The following BCKDHB variants were observed in gnomAD, a reference collection of about 807,000 sequenced individuals.
BCKDHB encodes 2-oxoisovalerate dehydrogenase subunit beta, mitochondrial.
Under a neutral mutation model 48.5 loss-of-function variants are expected in BCKDHB, and 41 were observed. The ratio of observed to expected loss-of-function variants is 0.85; its 90% confidence interval spans 0.66 to 1.10. BCKDHB has a LOEUF of 1.10. BCKDHB is among the 50% of genes least tolerant of loss of function. The probability of loss-of-function intolerance (pLI) is 0.00; values close to 1 mark genes in which losing one functional copy is unlikely to be tolerated. For missense variants in BCKDHB, 496 were observed against 494.2 expected, an observed-to-expected ratio of 1.00 and a Z score of -0.03; for synonymous variants, 201 against 174.8, an observed-to-expected ratio of 1.15 and a Z score of -1.18.
intron 8 of BCKDHB, among the ~76,000 whole-genome samples, chr6:80,250,521 G>A (rs374714325): frequency 2.2e-4 from 34 of 152,260 alleles, no homozygotes; most frequent in Admixed American, 1.6e-3. Context: ...GAAGAGAAGA[G>A]GTTTTTCATC....
At chr6:80,320,197 T>TAGGG (rs1334963329) in intron 9 of BCKDHB, among the ~76,000 whole-genome samples, 1 of 152,186 alleles carries the variant, frequency 6.6e-6, no homozygotes, top group Non-Finnish European at 1.5e-5. Flanking sequence ...AATATGTCCT[T>TAGGG]ATATAGTTCT....
At chr6:80,206,643 G>A (rs1774678217) in intron 8 of BCKDHB, among the ~76,000 whole-genome samples, 1 of 151,744 alleles carries the variant, frequency 6.6e-6, no homozygotes, top group Non-Finnish European at 1.5e-5. Context: ...AGAACTCAAT[G>A]AATAGGCTTA....
intron 6 of BCKDHB, among the ~76,000 whole-genome samples, chr6:80,181,067 G>A (rs1773389246): frequency 6.6e-6 from 1 of 152,094 alleles, no homozygotes; most frequent in Non-Finnish European, 1.5e-5. Context: ...TCTTTTAGTT[G>A]AAAGAGTTGA....
chr6:80,430,852 C>T, the BCKDHB span, among the ~76,000 whole-genome samples: 255 of 152,104 alleles, frequency 1.7e-3, 1 homozygote, highest in Middle Eastern at 6.8e-3. Flanking sequence ...TATTTCTTGT[C>T]TTCTGCTAGC....
At chr6:80,247,818 A>G (rs1240719791) in intron 8 of BCKDHB, among the ~76,000 whole-genome samples, 1 of 152,188 alleles carries the variant, frequency 6.6e-6, no homozygotes, top group Non-Finnish European at 1.5e-5. Context: ...TGGCCACGTT[A>G]GTGGAAGTCT....
chr6:80,254,383 T>C (rs1776961814), intron 8 of BCKDHB, among the ~76,000 whole-genome samples: 1 of 152,072 alleles, frequency 6.6e-6, no homozygotes, highest in South Asian at 2.1e-4. Flanking sequence ...TAAAGTTGTC[T>C]GTACACTAAT....
At chr6:80,309,254 G>A (rs1768037126) in intron 9 of BCKDHB, among the ~76,000 whole-genome samples, 1 of 151,708 alleles carries the variant, frequency 6.6e-6, no homozygotes, top group Admixed American at 6.6e-5. Flanking sequence ...AGTAGAGACA[G>A]GGGTTTCACC....
At chr6:80,451,223 G>T in the BCKDHB span, among the ~76,000 whole-genome samples, 1 of 152,096 alleles carries the variant, frequency 6.6e-6, no homozygotes, top group Non-Finnish European at 1.5e-5. Flanking sequence ...CATTATATTT[G>T]GCCTGGTTAT....
chr6:80,402,629 T>C, the BCKDHB span, among the ~76,000 whole-genome samples: 3 of 151,830 alleles, frequency 2.0e-5, no homozygotes, highest in African/African-American at 7.2e-5. Context: ...CATTTGTTTA[T>C]TTTTTGCTTT....
At chr6:80,442,745 A>G in the BCKDHB span, among the ~76,000 whole-genome samples, 1 of 152,164 alleles carries the variant, frequency 6.6e-6, no homozygotes, top group African/African-American at 2.4e-5. Context: ...GGGATACTGG[A>G]CAAAATATGG....
chr6:80,142,164 T>A (rs942258072), intron 3 of BCKDHB, among the ~76,000 whole-genome samples: 2 of 152,068 alleles, frequency 1.3e-5, no homozygotes, highest in African/African-American at 2.4e-5. Flanking sequence ...AACTTCCCAT[T>A]TCAACCATAG....
intron 8 of BCKDHB, among the ~76,000 whole-genome samples, chr6:80,215,300 G>A (rs2127848744): frequency 6.6e-6 from 1 of 152,350 alleles, no homozygotes; most frequent in South Asian, 2.1e-4. Flanking sequence ...CTCCTGCCAA[G>A]TCATTCTTCC....
the BCKDHB span, among the ~76,000 whole-genome samples, chr6:80,366,376 C>A: frequency 6.6e-6 from 1 of 152,110 alleles, no homozygotes. Context: ...AGAAAAAACA[C>A]ACCAAATATG....
chr6:80,168,791 A>AGGGAGGGAGGGAGGGAGGG, intron 4 of BCKDHB, 84 bp from the exon 5 acceptor site: 2 of 1,083,028 alleles, frequency 1.8e-6, no homozygotes, highest in Middle Eastern at 2.4e-4. Flanking sequence ...GGAAGGAAGG[A>AGGGAGGGAGGGAGGGAGGG]AGGGAGGGAG....
the BCKDHB span, chr6:80,440,589 T>C: frequency 6.6e-6 from 1 of 152,082 alleles, no homozygotes; most frequent in Non-Finnish European, 1.5e-5. Flanking sequence ...ACTAAAGATG[T>C]AATTTACTTC....
chr6:80,413,237 T>C, the BCKDHB span, among the ~76,000 whole-genome samples: 3 of 152,222 alleles, frequency 2.0e-5, no homozygotes, highest in African/African-American at 7.2e-5. Flanking sequence ...CTCACAAACA[T>C]ATTAGCAAAA....
At chr6:80,455,185 G>C in the BCKDHB span, among the ~76,000 whole-genome samples, 1 of 152,052 alleles carries the variant, frequency 6.6e-6, no homozygotes, top group African/African-American at 2.4e-5. Context: ...GAAGTGTAGA[G>C]ATGTAAAGAT....
chr6:80,210,146 A>C (rs1012037395), intron 8 of BCKDHB, among the ~76,000 whole-genome samples: 3 of 151,714 alleles, frequency 2.0e-5, no homozygotes, highest in African/African-American at 4.8e-5. Context: ...AAAAAAAAAA[A>C]AAAAAAAACC....
intron 9 of BCKDHB, among the ~76,000 whole-genome samples, chr6:80,294,092 A>G (rs908920541): frequency 6.6e-6 from 1 of 152,138 alleles, no homozygotes; most frequent in African/African-American, 2.4e-5. Context: ...CCCAATTCCA[A>G]AGTCAGTTCC....
Sources: allele counts gnomAD v4.1 joint callset (sites outside exome capture counted in the v4.1 genomes callset), GRCh38; gene constraint gnomAD v4.1.1; transcripts MANE v1.5; gene names NCBI Gene and HGNC (gene_info 2026-07-23, HGNC 2026-07-21).